The following SLC30A9 variants were observed in gnomAD, a reference collection of about 807,000 sequenced individuals.
SLC30A9 encodes solute carrier family 30 member 9.
SLC30A9 carries 58 observed loss-of-function variants against 87.5 expected under a neutral mutation model. That is an observed-to-expected ratio of 0.66 (90% confidence interval 0.54 to 0.82). The LOEUF (loss-of-function observed/expected upper bound fraction) is 0.82, where lower values mean the gene tolerates loss of function less well. SLC30A9 is among the 40% of genes least tolerant of loss of function. The probability of loss-of-function intolerance (pLI) is 0.00; values close to 1 mark genes in which losing one functional copy is unlikely to be tolerated. For synonymous variants in SLC30A9, 234 were observed against 233.0 expected (o/e 1.00, Z -0.04); for missense variants, 557 against 679.1 (o/e 0.82, Z 2.00).
chr4:41,994,002 C>T (rs2153131919), intron 1 of SLC30A9, among the ~76,000 whole-genome samples: 1 of 152,112 alleles, frequency 6.6e-6, no homozygotes, highest in South Asian at 2.1e-4. Context: ...ACCAAAAATA[C>T]AAAAACTAGC....
chr4:42,032,837 C>T lies in SLC30A9; in HGVS notation c.611-2438C>T, dbSNP rs112021305. Among the ~76,000 whole-genome samples the T allele has an allele frequency of 6.8e-3, 1,042 of 152,282 alleles. 3 individuals carry two copies. Among genetic ancestry groups the T allele is most frequent in the Non-Finnish European group, 0.01 (706 of 68,024 alleles). The stretch of plus-strand genomic sequence containing the variant: ...GTTTCAGATTCATCTTGTACGTTTC[C>T]TGTCCTGGGTTGGTAATCAACTATT... On this transcript the variant is annotated intron_variant, in intron 6 of 17. Transcript: ENST00000264451.
At chr4:42,075,049 ATATATATATATTTTTTTTTTTTT>A (rs1394225856) in intron 15 of SLC30A9, among the ~76,000 whole-genome samples, 8 of 21,110 alleles carry the variant, frequency 3.8e-4, no homozygotes, top group African/African-American at 1.3e-3. Flanking sequence ...ATATATATAT[ATATATATATATTTTTTTTTTTTT>A]TTTTTTTTTT....
At chr4:42,020,623 A>C (rs1413344741) in intron 4 of SLC30A9, 108 bp downstream of exon 4, 1 of 551,914 alleles carries the variant, frequency 1.8e-6, no homozygotes. Flanking sequence ...AAAATTTGCT[A>C]CTGGCTCCTT....
At chr4:42,036,880 G>T (rs775904967) in intron 7 of SLC30A9, among the ~76,000 whole-genome samples, 1 of 152,110 alleles carries the variant, frequency 6.6e-6, no homozygotes, top group Non-Finnish European at 1.5e-5. Flanking sequence ...ATTGCCTCTT[G>T]TGCTGGGATA....
Position 42,086,097 on chromosome 4 carries a change from G to A in SLC30A9, c.1678G>A (p.Val560Ile). The A allele has an allele frequency of 6.5e-7, 1 of 1,544,568 alleles. No homozygotes were observed. The highest frequency in any genetic ancestry group is 1.7e-5 in the Admixed American group (1 of 58,326). Reference protein sequence around the residue: ...EKELKKRNPEVRHVDLEIL With the variant: ...EKELKKRNPEIRHVDLEIL ...TTCTTTCCAGAAACGAAATCCTGAA[G>A]TTCGACATGTAGATTTGGAGATACT... Residue 560 changes from valine to isoleucine, a missense_variant, in exon 18 of 18, where the codon GTT becomes ATT. This residue lies in a region of SLC30A9 where 90 missense variants were observed against 149.4 expected (regional missense o/e 0.60). Coordinates refer to ENST00000264451, the MANE Select transcript of SLC30A9 (RefSeq NM_006345.4).
intron 14 of SLC30A9, among the ~76,000 whole-genome samples, chr4:42,067,948 G>A (rs567737032): frequency 3.0e-4 from 45 of 152,236 alleles, no homozygotes; most frequent in Non-Finnish European, 5.0e-4. Context: ...GTATGAAAGC[G>A]CTCAGCAAGC....
chr4:42,031,245 A>G (rs749479828), intron 6 of SLC30A9, among the ~76,000 whole-genome samples: 14 of 152,128 alleles, frequency 9.2e-5, no homozygotes, highest in African/African-American at 3.4e-4. Context: ...AAAACAATGG[A>G]CAATAAAAGA....
At chr4:42,005,307 G>A (rs1337673178) in intron 2 of SLC30A9, among the ~76,000 whole-genome samples, 1 of 152,122 alleles carries the variant, frequency 6.6e-6, no homozygotes, top group African/African-American at 2.4e-5. Context: ...AGCATTATTG[G>A]GACCACATTA....
chr4:42,032,158 C>T (rs377679444), intron 6 of SLC30A9, among the ~76,000 whole-genome samples: 10 of 152,172 alleles, frequency 6.6e-5, no homozygotes, highest in African/African-American at 2.4e-4. Context: ...AGGACAGTAC[C>T]AAGAGGGATA....
chr4:42,010,133 CACTT>C (rs1449135141), intron 2 of SLC30A9, among the ~76,000 whole-genome samples: 2 of 152,154 alleles, frequency 1.3e-5, no homozygotes, highest in African/African-American at 4.8e-5. Context: ...ATTTGGCAAA[CACTT>C]AAAGCCTTTT....
At chr4:41,997,733 CT>C (rs938069881) in intron 1 of SLC30A9, among the ~76,000 whole-genome samples, 8 of 152,138 alleles carry the variant, frequency 5.3e-5, no homozygotes, top group African/African-American at 1.9e-4. Context: ...GAGGAATCAT[CT>C]TTGCATTCTA....
intron 2 of SLC30A9, among the ~76,000 whole-genome samples, chr4:42,014,782 G>A (rs948417491): frequency 6.6e-6 from 1 of 152,124 alleles, no homozygotes; most frequent in Admixed American, 6.6e-5. Context: ...AGGTTGTTAC[G>A]TTAAGTGAAA....
intron 2 of SLC30A9, among the ~76,000 whole-genome samples, chr4:42,017,844 G>T (rs752324490): frequency 1.3e-5 from 2 of 152,082 alleles, no homozygotes; most frequent in African/African-American, 2.4e-5. Flanking sequence ...TTCTAAAAGG[G>T]TTTGAGATTT....
intron 6 of SLC30A9, chr4:42,029,781 T>G (rs1716345544): frequency 6.8e-6 from 5 of 732,756 alleles, no homozygotes; most frequent in African/African-American, 1.7e-5. Context: ...CAAACCTAAG[T>G]CTCCCGAGAA....
chr4:42,039,915 G>GATAA (rs55826007), intron 8 of SLC30A9, among the ~76,000 whole-genome samples: 1 of 151,766 alleles, frequency 6.6e-6, no homozygotes, highest in Admixed American at 6.6e-5. Flanking sequence ...ATATGTATCA[G>GATAA]TGTGATAGGA....
chr4:42,068,554 C>T (rs751066935), intron 14 of SLC30A9, among the ~76,000 whole-genome samples: 5 of 152,168 alleles, frequency 3.3e-5, no homozygotes, highest in Non-Finnish European at 7.4e-5. Flanking sequence ...CGGAACTTAA[C>T]TCTTGTTTGT....
chr4:42,018,139 T>C lies in SLC30A9; in HGVS notation c.303T>C (p.Ala101=). The change falls in exon 3 of 18, where the codon GCT becomes GCC. Residue 101 remains alanine, a synonymous_variant. Coordinates refer to ENST00000264451, the MANE Select transcript of SLC30A9 (RefSeq NM_006345.4). ...TAEGIGTELK[A]PLKQEPLQVR... is the part of the protein sequence containing the mutation. Reference sequence around the variant, plus strand: ...AAGGTATAGGCACAGAACTCAAAGCTCCACTTAAGCAAGAACCTCTCCAAG... The same window carrying C: ...AAGGTATAGGCACAGAACTCAAAGCCCCACTTAAGCAAGAACCTCTCCAAG... 6.4e-7 allele frequency: 1 copy of C among 1,569,300 alleles called. No homozygotes were observed. The highest frequency in any genetic ancestry group is 8.8e-7 in the Non-Finnish European group (1 of 1,142,418).
chr4:42,054,699 C>T (rs939006938), intron 9 of SLC30A9, among the ~76,000 whole-genome samples: 10 of 151,744 alleles, frequency 6.6e-5, no homozygotes, highest in African/African-American at 2.2e-4. Flanking sequence ...ACCGTGTTAG[C>T]CAGGATGGTT....
chr4:42,086,108 A>G lies in SLC30A9; in HGVS notation c.1689A>G (p.Val563=). 1 of 1,519,722 alleles carries G rather than the reference A, an allele frequency of 6.6e-7. No homozygotes were observed. Among genetic ancestry groups the G allele is most frequent in the Non-Finnish European group, 8.9e-7 (1 of 1,120,620 alleles). 94.1% of individuals were successfully genotyped at this position (1,519,722 alleles called of 1,614,324 possible). A position where few individuals can be genotyped will look rare whatever the true frequency, so the allele number is the denominator to read the frequency against. ...LKKRNPEVRH[V]DLEIL Reference sequence around the variant, plus strand: ...AACGAAATCCTGAAGTTCGACATGTAGATTTGGAGATACTGTGAGTTTGAT... The same window carrying G: ...AACGAAATCCTGAAGTTCGACATGTGGATTTGGAGATACTGTGAGTTTGAT... Residue 563 remains valine (V), a synonymous_variant, in exon 18 of 18, where the codon GTA becomes GTG. Coordinates refer to ENST00000264451, the MANE Select transcript of SLC30A9 (RefSeq NM_006345.4).
Sources: gnomAD v4.1 joint callset for allele counts (sites outside exome capture counted in the v4.1 genomes callset) on GRCh38, gnomAD v4.1.1 for gene constraint, gnomAD v4.1.1 regional missense constraint, MANE v1.5 for transcripts, NCBI Gene and HGNC (gene_info 2026-07-23, HGNC 2026-07-21) for gene names.